Variants in FGF14 observed in about 807,000 individuals in gnomAD.
FGF14 encodes the protein fibroblast growth factor 14.
FGF14 carries 5 observed loss-of-function variants against 25.5 expected under a neutral mutation model. The observed-to-expected ratio is 0.20, with a 90% confidence interval of 0.10 to 0.41. The LOEUF (loss-of-function observed/expected upper bound fraction) is 0.41, where lower values mean the gene tolerates loss of function less well. Ranked by LOEUF, FGF14 falls within the 10% of genes least tolerant of loss-of-function variation. The probability of loss-of-function intolerance (pLI) is 1.00; values close to 1 mark genes in which losing one functional copy is unlikely to be tolerated. For synonymous variants in FGF14, 138 were observed against 118.3 expected (o/e 1.17, Z -1.08); for missense variants, 222 against 320.1 (o/e 0.69, Z 2.34).
At chr13:102,305,907 C>T (rs980704086) in intron 1 of FGF14, among the ~76,000 whole-genome samples, 1 of 152,146 alleles carries the variant, frequency 6.6e-6, no homozygotes, top group Non-Finnish European at 1.5e-5. Context: ...TTGAAGACAA[C>T]AGACATGAGG....
At chr13:101,725,107 A>G (rs2035322535) in intron 4 of FGF14, among the ~76,000 whole-genome samples, 1 of 152,104 alleles carries the variant, frequency 6.6e-6, no homozygotes, top group African/African-American at 2.4e-5. Context: ...ATTCTTAACT[A>G]TTTACAAAAC....
chr13:102,225,765 C>T (rs975288975), intron 1 of FGF14, among the ~76,000 whole-genome samples: 1 of 152,296 alleles, frequency 6.6e-6, no homozygotes, highest in Middle Eastern at 3.4e-3. Context: ...AACCAGACTA[C>T]TTCTTGGAGA....
At chr13:102,389,781 T>G (rs1184349181) in intron 1 of FGF14, among the ~76,000 whole-genome samples, 1 of 148,334 alleles carries the variant, frequency 6.7e-6, no homozygotes, top group East Asian at 2.0e-4. Flanking sequence ...ACACTCAGCA[T>G]TGCCCCTGAA....
intron 1 of FGF14, among the ~76,000 whole-genome samples, chr13:102,387,808 T>A (rs1246237970): frequency 6.6e-6 from 1 of 152,146 alleles, no homozygotes; most frequent in East Asian, 1.9e-4. Flanking sequence ...CTCGGCTCAC[T>A]GCAACCTCTG....
chr13:101,808,147 CAA>C (rs1442560765), intron 3 of FGF14, among the ~76,000 whole-genome samples: 1 of 151,706 alleles, frequency 6.6e-6, no homozygotes, highest in Non-Finnish European at 1.5e-5. Flanking sequence ...TGAATATTTC[CAA>C]AAAAGTAGCA....
chr13:101,788,768 C>T (rs1417474110), intron 3 of FGF14, among the ~76,000 whole-genome samples: 1 of 150,704 alleles, frequency 6.6e-6, no homozygotes, highest in Non-Finnish European at 1.5e-5. Flanking sequence ...GCATCAACAG[C>T]CCTACTTGTT....
chr13:101,885,376 G>A (rs920773310), intron 1 of FGF14, among the ~76,000 whole-genome samples: 1 of 152,130 alleles, frequency 6.6e-6, no homozygotes. Context: ...AGAGAAAGAG[G>A]CGAGGTGATT....
At chr13:101,727,501 C>G (rs1355177547) in intron 3 of FGF14, among the ~76,000 whole-genome samples, 1 of 152,088 alleles carries the variant, frequency 6.6e-6, no homozygotes, top group Non-Finnish European at 1.5e-5. Context: ...AACCACACAG[C>G]ATTTTTGGAA....
At chr13:102,246,633 G>A (rs2051884600) in intron 1 of FGF14, among the ~76,000 whole-genome samples, 1 of 151,882 alleles carries the variant, frequency 6.6e-6, no homozygotes. Flanking sequence ...TCAACATCAA[G>A]TTAGTTTAAA....
intron 3 of FGF14, among the ~76,000 whole-genome samples, chr13:101,861,177 T>C (rs1012399804): frequency 3.3e-5 from 5 of 152,124 alleles, no homozygotes; most frequent in Non-Finnish European, 5.9e-5. Context: ...TGTCACAGAA[T>C]TGATTCTATC....
chr13:101,848,984 T>G (rs1200776827), intron 3 of FGF14, among the ~76,000 whole-genome samples: 1 of 152,092 alleles, frequency 6.6e-6, no homozygotes, highest in Non-Finnish European at 1.5e-5. Context: ...TGGACTTGTA[T>G]TTTTCTTTTA....
In FGF14 at chr13:101,916,939, C is replaced by T. The variant is rs959586694; in HGVS notation, c.-294G>A. Among the ~76,000 whole-genome samples the T allele has an allele frequency of 6.6e-6, 1 of 151,936 alleles. No individual in the cohort carries two copies. Among genetic ancestry groups the T allele is most frequent in the Non-Finnish European group, 1.5e-5 (1 of 67,916 alleles). ...CACGTCCGAGTGGAGAGCGGGACCG[C>T]GGCTGCGGGCGCTGCTGGTCACCGC... On this transcript the variant is annotated 5_prime_UTR_variant, in exon 1 of 5. Coordinates refer to ENST00000376143, the MANE Select transcript of FGF14 (RefSeq NM_004115.4).
chr13:102,136,698 TC>T (rs1487085249), intron 1 of FGF14, among the ~76,000 whole-genome samples: 2 of 151,046 alleles, frequency 1.3e-5, no homozygotes, highest in Non-Finnish European at 2.9e-5. Context: ...ATAAAGTTAG[TC>T]CATAGGTTTG....
At chr13:101,899,046 T>G (rs2031156297) in intron 1 of FGF14, among the ~76,000 whole-genome samples, 1 of 152,192 alleles carries the variant, frequency 6.6e-6, no homozygotes, top group African/African-American at 2.4e-5. Context: ...GTAGCCTTGG[T>G]AAACATCCAG....
rs139865546 is a variant in FGF14 at position 101,773,569 on chromosome 13, A to G, written c.409-46759T>C. ...GGTAGAAAGAAAATGGCAAAATACA[A>G]TTTTATAGAAATCAGTGTAGAGTTC... is the stretch of plus-strand genomic sequence containing the variant. On this transcript the variant is annotated intron_variant, in intron 3 of 4. Transcript: ENST00000376143. 3.3e-5 allele frequency among the ~76,000 whole-genome samples: 5 copies of G among 152,172 alleles called. No homozygotes were observed. The East Asian group carries it at 7.7e-4, about 24-fold the overall frequency.
intron 1 of FGF14, among the ~76,000 whole-genome samples, chr13:102,022,138 C>T (rs1365960311): frequency 6.6e-6 from 1 of 151,986 alleles, no homozygotes; most frequent in African/African-American, 2.4e-5. Context: ...ACCCCCCTTA[C>T]TCAATGGCCT....
At position 101,715,641 on chromosome 13, in the gene FGF14, C is replaced by T. The variant is rs1277205714; in HGVS notation, c.*7190G>A. The T allele has an allele frequency of 3.7e-6, 6 of 1,609,234 alleles. No homozygotes were observed. In the East Asian group the frequency reaches 1.1e-4, roughly 30 times the overall value. On this transcript the variant is annotated 3_prime_UTR_variant, in exon 5 of 5. Transcript: ENST00000376143. ...AATGCATGTGAAATCTGGCTTGGCTCAGAATATCCTTAACAATTACATGAG... is the reference window on the plus strand; with the variant it reads ...AATGCATGTGAAATCTGGCTTGGCTTAGAATATCCTTAACAATTACATGAG...
intron 1 of FGF14, among the ~76,000 whole-genome samples, chr13:102,155,727 G>GT (rs375512147): frequency 0.15 from 22,503 of 151,706 alleles, 2,063 homozygotes; most frequent in African/African-American, 0.23. Flanking sequence ...CCAGGAGCTG[G>GT]TTTTTTTAAA....
chr13:102,344,134 G>C (rs964345868), intron 1 of FGF14, among the ~76,000 whole-genome samples: 1 of 152,140 alleles, frequency 6.6e-6, no homozygotes, highest in Admixed American at 6.6e-5. Flanking sequence ...CTTACGAAAT[G>C]ATCCTCCATG....
Sources: gnomAD v4.1 joint callset for allele counts (sites outside exome capture counted in the v4.1 genomes callset) on GRCh38, gnomAD v4.1.1 for gene constraint, MANE v1.5 for transcripts, NCBI Gene and HGNC (gene_info 2026-07-23, HGNC 2026-07-21) for gene names.